Variants in JAK1 observed in about 807,000 individuals in gnomAD.
JAK1 encodes Janus kinase 1.
Under a neutral mutation model 136.6 loss-of-function variants are expected in JAK1, and 16 were observed. That is an observed-to-expected ratio of 0.12 (90% CI 0.08 to 0.18). The LOEUF (loss-of-function observed/expected upper bound fraction) is 0.18. JAK1 is among the 10% of genes least tolerant of loss of function. The pLI is 1.00. For missense variants in JAK1, 859 were observed against 1,450.1 expected, an observed-to-expected ratio of 0.59 and a Z score of 6.62; for synonymous variants, 492 against 519.5, an observed-to-expected ratio of 0.95 and a Z score of 0.72.
rs1019302378 is a variant in JAK1, at chr1:64,833,599, G to GAT, written c.*961_*962dup. 42 of 233,010 alleles carry GAT rather than the reference G, an allele frequency of 1.8e-4. No individual in the cohort carries two copies. The highest frequency in any genetic ancestry group is 9.2e-4 in the African/African-American group (42 of 45,452). The allele number at this position is 233,010 out of a possible 1,614,324, so 14.4% of individuals were successfully genotyped here. On this transcript the variant is annotated 3_prime_UTR_variant, in exon 25 of 25. Coordinates refer to ENST00000342505, the MANE Select transcript of JAK1 (RefSeq NM_002227.4). ...TTCAAGTGTTGCACCACAGGGTGAT[G>GAT]ATTGATGGTAAAAACAGGGATCAAC... is the stretch of plus-strand genomic sequence containing the variant.
At chr1:65,024,095 G>C (rs910660411) in intron 2 of JAK1, among the ~76,000 whole-genome samples, 1 of 151,948 alleles carries the variant, frequency 6.6e-6, no homozygotes, top group East Asian at 1.9e-4. Flanking sequence ...AAAACTTTTT[G>C]CGGCCATATA....
Position 65,048,805 on chromosome 1 carries a change from T to C in JAK1, c.-180-4223A>G, listed in dbSNP as rs918744117. Among the ~76,000 whole-genome samples the C allele has an allele frequency of 2.0e-5, 3 of 151,870 alleles. No individual in the cohort carries two copies. In the East Asian group the frequency reaches 6.0e-4, roughly 31 times the overall value. ...CTTCTTACCACTCTGATTGAGAGTC[T>C]TGGGAAATGGGCATTTAATATGTTT... On this transcript the variant is annotated intron_variant, in intron 1 of 25. Transcript: ENST00000671954.
chr1:64,934,671 A>C (rs1051513215), intron 1 of JAK1, among the ~76,000 whole-genome samples: 2 of 152,162 alleles, frequency 1.3e-5, no homozygotes, highest in African/African-American at 2.4e-5. Context: ...CATCCTCTCA[A>C]AGTCCAGGTC....
At chr1:65,052,613 A>G (rs1647330354) in intron 1 of JAK1, among the ~76,000 whole-genome samples, 1 of 152,032 alleles carries the variant, frequency 6.6e-6, no homozygotes. Context: ...GGAGATCGAG[A>G]CCATCCTGGC....
intron 10 of JAK1, among the ~76,000 whole-genome samples, chr1:64,857,248 G>C (rs1162711806): frequency 6.6e-6 from 1 of 152,202 alleles, no homozygotes; most frequent in Non-Finnish European, 1.5e-5. Flanking sequence ...TTTGGGCGCT[G>C]GTTTGTACCA....
chr1:64,985,511 A>G, intron 2 of JAK1: 1 of 1,541,204 alleles, frequency 6.5e-7, no homozygotes. Flanking sequence ...TTTGTAGCAT[A>G]GCAGGAGAGA....
At chr1:64,860,422 T>G (rs557250811) in intron 8 of JAK1, among the ~76,000 whole-genome samples, 160 bp from the exon 9 acceptor site, 100 of 42,374 alleles carry the variant, frequency 2.4e-3, no homozygotes, top group African/African-American at 6.0e-3. Flanking sequence ...TTGCATGCAT[T>G]TATTTATTTA....
chr1:64,937,606 A>C (rs1645812350), intron 1 of JAK1, among the ~76,000 whole-genome samples: 1 of 152,202 alleles, frequency 6.6e-6, no homozygotes, highest in South Asian at 2.1e-4. Flanking sequence ...AAAGTTTCTA[A>C]ATAGGCATTA....
chr1:65,047,528 C>G (rs531803863), intron 1 of JAK1, among the ~76,000 whole-genome samples: 2 of 152,274 alleles, frequency 1.3e-5, no homozygotes, highest in South Asian at 4.2e-4. Context: ...ACCATCCTGG[C>G]TAACACGGTG....
Position 65,032,389 on chromosome 1 carries a change from C to T in JAK1, c.-78+12091G>A, listed in dbSNP as rs960521942. 5.9e-5 allele frequency among the ~76,000 whole-genome samples: 9 copies of T among 152,216 alleles called. No individual in the cohort carries two copies. In the South Asian group the frequency reaches 1.9e-3, roughly 31 times the overall value. Reference sequence around the variant, plus strand: ...TTACTCTTTTGTTCTAAGTGCTCATCAGATACTGTCTGAGTACTGGTCATT... The same window carrying T: ...TTACTCTTTTGTTCTAAGTGCTCATTAGATACTGTCTGAGTACTGGTCATT... On this transcript the variant is annotated intron_variant, in intron 2 of 25. Transcript: ENST00000671954.
chr1:65,014,532 A>C (rs983346140), intron 2 of JAK1, among the ~76,000 whole-genome samples: 1 of 152,112 alleles, frequency 6.6e-6, no homozygotes, highest in Admixed American at 6.5e-5. Flanking sequence ...TCAAAGGAAA[A>C]AATTTGAGGT....
chr1:64,913,548 A>G (rs1645321512), intron 1 of JAK1, among the ~76,000 whole-genome samples: 2 of 151,984 alleles, frequency 1.3e-5, no homozygotes, highest in Admixed American at 6.6e-5. Flanking sequence ...TTCAATAGTT[A>G]CAACATGATA....
At chr1:64,884,819 C>T (rs1401070714) in intron 2 of JAK1, among the ~76,000 whole-genome samples, 1 of 152,214 alleles carries the variant, frequency 6.6e-6, no homozygotes, top group Non-Finnish European at 1.5e-5. Context: ...ACTTATCCCA[C>T]TGCACTAGCC....
At chr1:64,886,598 C>T (rs563161748) in intron 1 of JAK1, among the ~76,000 whole-genome samples, 1 of 152,140 alleles carries the variant, frequency 6.6e-6, no homozygotes, top group Non-Finnish European at 1.5e-5. Flanking sequence ...TTTTGCTTCC[C>T]GATATGGAGT....
chr1:64,943,396 T>C lies in JAK1; in HGVS notation c.-78+22937A>G, dbSNP rs560903311. On this transcript the variant is annotated intron_variant, in intron 1 of 24. Transcript: ENST00000342505. ...CAGGGATAGGACCTTGTGACTCTAA[T>C]GCCCTTTTTATAGAGTTTTAGTGTA... 3.6e-4 allele frequency among the ~76,000 whole-genome samples: 55 copies of C among 152,328 alleles called. 1 individual carries two copies. In the South Asian group the frequency reaches 6.2e-3, roughly 17 times the overall value.
At chr1:64,841,725 CG>C in intron 17 of JAK1, 124 bp from the exon 18 acceptor site, 10 of 981,278 alleles carry the variant, frequency 1.0e-5, no homozygotes, top group African/African-American at 1.6e-5. Context: ...AGGTAGATTT[CG>C]TAAGTGTTTG....
chr1:64,923,274 T>C (rs1211963879), intron 1 of JAK1, among the ~76,000 whole-genome samples: 2 of 152,326 alleles, frequency 1.3e-5, no homozygotes, highest in East Asian at 3.9e-4. Flanking sequence ...ACCTATCTGT[T>C]TAAGGATACC....
intron 1 of JAK1, among the ~76,000 whole-genome samples, chr1:64,939,089 T>C (rs552389433): frequency 1.3e-5 from 2 of 152,276 alleles, no homozygotes; most frequent in East Asian, 1.9e-4. Flanking sequence ...AATCTTTTCA[T>C]AGGAACTGTT....
chr1:65,047,694 G>A (rs570128234), intron 1 of JAK1, among the ~76,000 whole-genome samples: 4 of 152,028 alleles, frequency 2.6e-5, no homozygotes, highest in East Asian at 3.9e-4. Flanking sequence ...ACTCCAGCCC[G>A]GGCAACAGAG....
Sources: gnomAD v4.1 joint callset for allele counts (sites outside exome capture counted in the v4.1 genomes callset) on GRCh38, gnomAD v4.1.1 for gene constraint, MANE v1.5 for transcripts, NCBI Gene and HGNC (gene_info 2026-07-23, HGNC 2026-07-21) for gene names.